The following TRIM29 variants were observed in gnomAD, a reference collection of about 807,000 sequenced individuals.
TRIM29 encodes the protein tripartite motif-containing protein 29.
Under a neutral mutation model 57.3 loss-of-function variants are expected in TRIM29, and 52 were observed. The observed-to-expected ratio is 0.91, with a 90% CI of 0.73 to 1.14. The LOEUF is 1.14. Ranked by LOEUF, TRIM29 falls within the 50% of genes most tolerant of loss-of-function variation. The probability of loss-of-function intolerance (pLI) is 0.00; values close to 1 mark genes in which losing one functional copy is unlikely to be tolerated. For missense variants in TRIM29, 753 were observed against 774.6 expected (o/e 0.97, Z 0.33); for synonymous variants, 319 against 316.9 (o/e 1.01, Z -0.07).
chr11:120,113,947 G>A (rs1463197016), intron 8 of TRIM29, among the ~76,000 whole-genome samples: 1 of 152,190 alleles, frequency 6.6e-6, no homozygotes, highest in African/African-American at 2.4e-5. Context: ...TCCCTGGCTT[G>A]AGGTCACAGC....
chr11:120,128,728 T>C (rs1181166687), intron 1 of TRIM29: 3 of 1,535,528 alleles, frequency 2.0e-6, no homozygotes, highest in Non-Finnish European at 2.6e-6. Context: ...CTCAGGCCAC[T>C]AGGGCTGGAT....
At chr11:120,132,959 G>A (rs1189787727) in intron 1 of TRIM29, among the ~76,000 whole-genome samples, 2 of 152,092 alleles carry the variant, frequency 1.3e-5, no homozygotes, top group East Asian at 3.9e-4. Context: ...AGCCAAGAGT[G>A]GGGAAGAAGA....
intron 1 of TRIM29, among the ~76,000 whole-genome samples, chr11:120,134,143 T>TGAGGAAGACAGGAGGACAA (rs1863771886): frequency 1.3e-5 from 2 of 152,254 alleles, no homozygotes; most frequent in African/African-American, 4.8e-5. Context: ...ATGAGGCCTA[T>TGAGGAAGACAGGAGGACAA]TGTGACATTT....
intron 4 of TRIM29, chr11:120,123,358 T>C (rs1863509494): frequency 3.5e-6 from 2 of 568,530 alleles, no homozygotes; most frequent in African/African-American, 1.9e-5. Context: ...TTAATGCCCA[T>C]TTCTTATTTG....
Position 120,137,207 on chromosome 11 carries a change from AG to A in TRIM29, c.804+20del, listed in dbSNP as rs774025700. 82 of 1,611,550 alleles carry A rather than the reference AG, an allele frequency of 5.1e-5. No individual in the cohort carries two copies. The highest frequency in any genetic ancestry group is 6.6e-5 in the Non-Finnish European group (78 of 1,178,496). ...TGAGAGAGGAGAGGCCTGGAGGGGCAGGAGGGGCCCCAGCACTTACCTCCTT... is the reference window on the plus strand; with the variant it reads ...TGAGAGAGGAGAGGCCTGGAGGGGCAGAGGGGCCCCAGCACTTACCTCCTT... On this transcript the variant is annotated intron_variant, in intron 1 of 8. Transcript: ENST00000341846. This position sits in a 1 kb window ranked among gnomAD's most constrained non-coding sequence, Gnocchi z 6.2.
chr11:120,122,930 C>A (rs1415915783), intron 5 of TRIM29, 24 bp downstream of exon 5: 1 of 1,607,558 alleles, frequency 6.2e-7, no homozygotes, highest in Admixed American at 1.7e-5. Context: ...GACACTAGGT[C>A]TGGGGTGAGG....
intron 8 of TRIM29, among the ~76,000 whole-genome samples, chr11:120,112,967 G>T (rs139337586): frequency 2.0e-5 from 3 of 152,146 alleles, no homozygotes; most frequent in South Asian, 2.1e-4. Flanking sequence ...CTTGCCCAAG[G>T]TCACTCAGCT....
intron 1 of TRIM29, among the ~76,000 whole-genome samples, chr11:120,130,586 C>T (rs1309442875): frequency 2.6e-5 from 4 of 152,214 alleles, no homozygotes; most frequent in African/African-American, 4.8e-5. Context: ...CTCAGTAGCC[C>T]TGTCTGGTCC....
chr11:120,122,829 C>T, intron 5 of TRIM29, 125 bp downstream of exon 5: 1 of 726,298 alleles, frequency 1.4e-6, no homozygotes. Context: ...AGGACTTTCC[C>T]AGGCAAACTG....
At chr11:120,122,075 C>A in intron 5 of TRIM29, 2 of 402,714 alleles carry the variant, frequency 5.0e-6, no homozygotes, top group Non-Finnish European at 5.1e-6. Flanking sequence ...GGCACAGGTG[C>A]TTTTCTGTTG....
chr11:120,112,364 G>C lies in TRIM29; in HGVS notation c.*50C>G. The C allele has an allele frequency of 1.2e-6, 2 of 1,605,008 alleles. No homozygotes were observed. The highest frequency in any genetic ancestry group is 1.7e-6 in the Non-Finnish European group (2 of 1,172,244). On this transcript the variant is annotated 3_prime_UTR_variant, in exon 9 of 9. Transcript: ENST00000341846. ...GTAGCTTAGAAGGCAAGAGCAGCAG[G>C]GTCAGGAGGAAGAGCAGGGGTGTGG...
chr11:120,123,208 C>T (rs1304677478), intron 4 of TRIM29, 153 bp from the exon 5 acceptor site: 9 of 717,514 alleles, frequency 1.3e-5, no homozygotes, highest in Middle Eastern at 2.3e-4. Flanking sequence ...GAATATGACG[C>T]CCTGCCCAGC....
At chr11:120,128,707 C>A in intron 1 of TRIM29, 2 of 1,535,698 alleles carry the variant, frequency 1.3e-6, no homozygotes, top group Non-Finnish European at 1.7e-6. Flanking sequence ...TAAATACCAT[C>A]TTGCTGTATT....
chr11:120,125,820 C>A lies in TRIM29; in HGVS notation c.1204G>T (p.Gly402Trp), dbSNP rs776301841. ...PLPTYHVLLE[G>W]EGLGQSLGNF... ...CCTAGTGACTGTCCCAGGCCCTCCC[C>A]CTCCAGCAGGACATGATAGGTGGGC... The change falls in exon 4 of 9, where the codon GGG becomes TGG. Residue 402 changes from glycine (G) to tryptophan (W), a missense_variant. Gly to Trp is a radical substitution (Grantham distance 184, BLOSUM62 -2). Transcript: ENST00000341846. The A allele has an allele frequency of 1.2e-5, 20 of 1,614,168 alleles. No individual in the cohort carries two copies. Among genetic ancestry groups the A allele is most frequent in the African/African-American group, 2.7e-5 (2 of 75,044 alleles).
Position 120,112,125 on chromosome 11 carries a change from T to C in TRIM29, c.*289A>G. On this transcript the variant is annotated 3_prime_UTR_variant, in exon 9 of 9. Transcript: ENST00000341846. ...AGCCCGAGAGGAGGAGGCTGGCGGGTTAGGGCAGGCCCCAACCTATCTCAC... is the reference window on the plus strand; with the variant it reads ...AGCCCGAGAGGAGGAGGCTGGCGGGCTAGGGCAGGCCCCAACCTATCTCAC... 2.8e-6 allele frequency: 1 copy of C among 361,000 alleles called. No individual in the cohort carries two copies. Among genetic ancestry groups the C allele is most frequent in the South Asian group, 3.0e-5 (1 of 33,712 alleles). 22.4% of individuals were successfully genotyped at this position (361,000 alleles called of 1,614,324 possible).
intron 7 of TRIM29, chr11:120,117,932 G>A: frequency 2.3e-6 from 1 of 435,896 alleles, no homozygotes; most frequent in South Asian, 2.4e-5. Context: ...GTCGAGTGCA[G>A]GGGGTATGGC....
At chr11:120,128,684 T>A in intron 1 of TRIM29, 189 bp from the exon 2 acceptor site, 1 of 1,535,370 alleles carries the variant, frequency 6.5e-7, no homozygotes, top group South Asian at 1.2e-5. Context: ...TCGCCAAGGA[T>A]CTAGCAGTAA....
Position 120,122,949 on chromosome 11 carries a change from C to G in TRIM29, c.1435+5G>C, listed in dbSNP as rs1863496286. The G allele has an allele frequency of 5.0e-6, 8 of 1,613,414 alleles. No individual in the cohort carries two copies. The highest frequency in any genetic ancestry group is 6.8e-6 in the Non-Finnish European group (8 of 1,179,424). On this transcript the variant is annotated splice_donor_5th_base_variant and intron_variant, in intron 5 of 8. Coordinates refer to ENST00000341846, the MANE Select transcript of TRIM29 (RefSeq NM_012101.4). ...CTAGGTCTGGGGTGAGGGGCTCCCT[C>G]TTACCTTTGGGTGTCAGGTACATGG... is the stretch of plus-strand genomic sequence containing the variant.
chr11:120,115,555 C>T (rs1176042908), intron 7 of TRIM29, 141 bp from the exon 8 acceptor site: 8 of 710,316 alleles, frequency 1.1e-5, no homozygotes, highest in African/African-American at 1.1e-4. Flanking sequence ...TCTGAACACG[C>T]GTGCAGCAGC....
Sources: gnomAD v4.1 joint callset for allele counts (sites outside exome capture counted in the v4.1 genomes callset) on GRCh38, gnomAD v4.1.1 for gene constraint, Gnocchi (gnomAD v3.1) non-coding constraint, MANE v1.5 for transcripts, NCBI Gene and HGNC (gene_info 2026-07-23, HGNC 2026-07-21) for gene names.